The following TSC2 variants were observed in gnomAD, a reference collection of about 807,000 sequenced individuals.
TSC2 encodes the protein TSC complex subunit 2, also known as tuberin.
Under a neutral mutation model 202.2 loss-of-function variants are expected in TSC2, and 29 were observed. The observed-to-expected ratio is 0.14, with a 90% CI of 0.11 to 0.20. The LOEUF (loss-of-function observed/expected upper bound fraction) is 0.20, where lower values mean the gene tolerates loss of function less well. Among genes scored for constraint, TSC2 ranks in the 10% least tolerant of loss-of-function variants. The pLI is 1.00. For synonymous variants in TSC2, 1,349 were observed against 1,044.0 expected, an observed-to-expected ratio of 1.29 and a Z score of -5.63; for missense variants, 2,429 against 2,420.0, an observed-to-expected ratio of 1.00 and a Z score of -0.08.
Position 2,079,438 on chromosome 16 carries a change from C to T in TSC2, c.3284+10C>T, listed in dbSNP as rs776269274. The stretch of plus-strand genomic sequence containing the variant: ...CCGGCCCGGAGTCGAGGTGACTGCA[C>T]CTTCCTTTCCTCCGCGCCTGCCAGC... On this transcript the variant is annotated intron_variant, in intron 28 of 41. Coordinates refer to ENST00000219476, the MANE Select transcript of TSC2 (RefSeq NM_000548.5). This position sits in a 1 kb window ranked among gnomAD's most constrained non-coding sequence, Gnocchi z 4.6. 5.6e-6 allele frequency: 9 copies of T among 1,612,654 alleles called. No individual in the cohort carries two copies. The highest frequency in any genetic ancestry group is 5.0e-5 in the Admixed American group (3 of 60,008).
At position 2,077,749 on chromosome 16, in the gene TSC2, G is replaced by A. The variant is rs771505481; in HGVS notation, c.2966+23G>A. The A allele has an allele frequency of 4.3e-6, 7 of 1,610,440 alleles. No homozygotes were observed. In the African/African-American group the frequency reaches 8.0e-5, roughly 18 times the overall value. ...CAGGTAGCGGGACTGTCGGGTGGGG[G>A]GCACGGACCCTGGAGCTTGGCCCCG... On this transcript the variant is annotated intron_variant, in intron 26 of 41. Transcript: ENST00000219476.
intron 22 of TSC2, chr16:2,074,697 A>AT (rs2089015972): frequency 2.1e-6 from 1 of 467,584 alleles, no homozygotes; most frequent in East Asian, 4.0e-5. Context: ...ACGCCGCTTC[A>AT]GGGGGGCTTT....
intron 9 of TSC2, among the ~76,000 whole-genome samples, chr16:2,057,869 C>T (rs1242359853): frequency 2.4e-3 from 28 of 11,666 alleles, no homozygotes; most frequent in African/African-American, 0.012. Context: ...TCGGCCCCTG[C>T]ATCTCTCCCA....
At chr16:2,059,416 C>T (rs1198360269) in intron 10 of TSC2, among the ~76,000 whole-genome samples, 1 of 141,416 alleles carries the variant, frequency 7.1e-6, no homozygotes, top group Non-Finnish European at 1.5e-5. Context: ...GATCTCGGCT[C>T]ACTGCAACCT....
At position 2,050,502 on chromosome 16, in the gene TSC2, T is replaced by G; in HGVS notation, c.225+16T>G. The G allele has an allele frequency of 6.2e-7, 1 of 1,612,336 alleles. No homozygotes were observed. On this transcript the variant is annotated intron_variant, in intron 3 of 41. Transcript: ENST00000219476. ...ATTTGAAGAGGTAGGTTTATCCAGTTGAGCTACTAGAGAGAGGCACGTAGA... is the reference window on the plus strand; with the variant it reads ...ATTTGAAGAGGTAGGTTTATCCAGTGGAGCTACTAGAGAGAGGCACGTAGA...
chr16:2,064,255 C>T lies in TSC2; in HGVS notation c.1444-17C>T, dbSNP rs757560701. On this transcript the variant is annotated splice_polypyrimidine_tract_variant and intron_variant, in intron 14 of 41. Transcript: ENST00000219476. ...TCGTTGGGCTGGCGCTCATTGGCCT[C>T]CCTTGTGCCTGTGCAGGAGGAGCTG... 1.7e-5 allele frequency: 27 copies of T among 1,613,754 alleles called. No homozygotes were observed. The highest frequency in any genetic ancestry group is 8.5e-7 in the Non-Finnish European group (1 of 1,180,028).
chr16:2,072,633 G>A (rs188705950), intron 20 of TSC2: 1 of 830,374 alleles, frequency 1.2e-6, no homozygotes. Context: ...TCCTAAGTGG[G>A]GCTCCCGTGC....
Position 2,077,475 on chromosome 16 carries a change from C to A in TSC2, c.2838-123C>A. The A allele has an allele frequency of 1.4e-6, 2 of 1,460,626 alleles. No homozygotes were observed. The highest frequency in any genetic ancestry group is 1.9e-6 in the Non-Finnish European group (2 of 1,059,130). The allele number at this position is 1,460,626 out of a possible 1,614,324, so 90.5% of individuals were successfully genotyped here. On this transcript the variant is annotated intron_variant, in intron 25 of 41. Coordinates refer to ENST00000219476, the MANE Select transcript of TSC2 (RefSeq NM_000548.5). ...TGGCTCTTTTTGCTCATCTCACCCG[C>A]GGGATCTCTCCATCCTGACCCTGTG...
chr16:2,052,352 C>G (rs539192071), intron 3 of TSC2, among the ~76,000 whole-genome samples: 4 of 152,026 alleles, frequency 2.6e-5, no homozygotes, highest in East Asian at 1.9e-4. Context: ...CTCTGTCACC[C>G]AGGCCGGGGT....
Position 2,054,434 on chromosome 16 carries a change from G to A in TSC2, c.475G>A (p.Glu159Lys), listed in dbSNP as rs1555497714. Residue 159 changes from glutamate to lysine, a missense_variant, in exon 5 of 42, where the codon GAG (glutamate) becomes AAG (lysine). Coordinates refer to ENST00000219476, the MANE Select transcript of TSC2 (RefSeq NM_000548.5). The part of the protein sequence containing the change: ...NGRHITYLEE[E>K]LADFVLQWMD... ...GAGACACATCACCTACTTGGAGGAA[G>A]AGCTGGGTGGGTGCCACCTTGGGTT... 1 of 1,614,228 alleles carries A rather than the reference G, an allele frequency of 6.2e-7. No homozygotes were observed. Among genetic ancestry groups the A allele is most frequent in the Non-Finnish European group, 8.5e-7 (1 of 1,180,052 alleles).
Position 2,082,503 on chromosome 16 carries a change from A to G in TSC2, c.3882A>G (p.Ala1294=). 6.2e-7 allele frequency: 1 copy of G among 1,611,538 alleles called. No individual in the cohort carries two copies. The highest frequency in any genetic ancestry group is 8.5e-7 in the Non-Finnish European group (1 of 1,179,986). ...AGCTGCACAGGAGCGTTTCCTGGGC[A>G]GGTATCGCCTCTCAGAGGGAAGCGG... is the stretch of plus-strand genomic sequence containing the variant. ...QGQLHRSVSW[A]DSAVVMEEGS... is the part of the protein sequence containing the mutation. The change falls in exon 32 of 42, where the codon GCA becomes GCG. Residue 1294 remains alanine (A), a splice_region_variant and synonymous_variant. Transcript: ENST00000219476.
Position 2,088,475 on chromosome 16 carries a change from C to T in TSC2, c.5289C>T (p.Pro1763=), listed in dbSNP as rs144965811. ...RICEEAAYSN[P]SLPLVHPPSH... Reference sequence around the variant, plus strand: ...GCGAGGAAGCCGCCTACTCCAACCCCAGCCTACCTCTGGTGCACCCTCCGT... The same window carrying T: ...GCGAGGAAGCCGCCTACTCCAACCCTAGCCTACCTCTGGTGCACCCTCCGT... The change falls in exon 42 of 42, where the codon CCC becomes CCT. Residue 1763 remains proline (P), a synonymous_variant. Transcript: ENST00000219476. 43 of 1,612,818 alleles carry T rather than the reference C, an allele frequency of 2.7e-5. 1 individual carries two copies. The African/African-American group carries it at 5.3e-4, about 20-fold the overall frequency.
chr16:2,060,311 C>A (rs917021801), intron 10 of TSC2, among the ~76,000 whole-genome samples: 7 of 152,208 alleles, frequency 4.6e-5, no homozygotes, highest in African/African-American at 9.6e-5. Context: ...TGCTACCCCC[C>A]TCCCCGTAGG....
intron 37 of TSC2, 24 bp downstream of exon 37, chr16:2,086,403 C>T (rs903756069): frequency 6.2e-7 from 1 of 1,608,216 alleles, no homozygotes; most frequent in Non-Finnish European, 8.5e-7. Flanking sequence ...CCTACCCGCT[C>T]CTGCTGCCCC....
At chr16:2,054,592 C>A in intron 5 of TSC2, 152 bp downstream of exon 5, 1 of 1,199,430 alleles carries the variant, frequency 8.3e-7, no homozygotes, top group Non-Finnish European at 1.2e-6. Flanking sequence ...GGCTCACCTG[C>A]GTGGCCGGAG....
chr16:2,083,265 G>A (rs1223756191), intron 32 of TSC2: 1 of 459,578 alleles, frequency 2.2e-6, no homozygotes, highest in Admixed American at 2.3e-5. Flanking sequence ...GTGAGCCTCT[G>A]CTCTTGGGAG....
intron 21 of TSC2, among the ~76,000 whole-genome samples, chr16:2,073,565 T>C (rs1311043251): frequency 6.6e-6 from 1 of 152,100 alleles, no homozygotes; most frequent in Non-Finnish European, 1.5e-5. Flanking sequence ...CCTCAGCTTC[T>C]GATGGTGGCC....
rs2087648672 is a variant in TSC2, at chr16:2,068,063, G to A, written c.1717-2393G>A. Among the ~76,000 whole-genome samples, 6 of 152,092 alleles carry A rather than the reference G, an allele frequency of 3.9e-5. No homozygotes were observed. In the South Asian group the frequency reaches 1.2e-3, roughly 32 times the overall value. ...CATTTCTTTATTTTTTTGAGATAGA[G>A]TCTCACCACTATGTCACCCAGGCTG... On this transcript the variant is annotated intron_variant, in intron 16 of 41. Transcript: ENST00000219476.
chr16:2,062,623 G>T, intron 13 of TSC2, 23 bp downstream of exon 13: 2 of 1,587,062 alleles, frequency 1.3e-6, no homozygotes, highest in South Asian at 1.1e-5. Context: ...CTGTAGCCTT[G>T]CCTGGCACCT....
Sources: allele counts gnomAD v4.1 joint callset (sites outside exome capture counted in the v4.1 genomes callset), GRCh38; gene constraint gnomAD v4.1.1; non-coding constraint Gnocchi (gnomAD v3.1); transcripts MANE v1.5; gene names NCBI Gene and HGNC (gene_info 2026-07-23, HGNC 2026-07-21).